Variants in KLHL13 observed in about 807,000 individuals in gnomAD.
KLHL13 encodes kelch-like protein 13.
Under a neutral mutation model 37.1 loss-of-function variants are expected in KLHL13, and 10 were observed. The ratio of observed to expected loss-of-function variants is 0.27; its 90% CI spans 0.17 to 0.46. The LOEUF is 0.46. Among genes scored for constraint, KLHL13 ranks in the 20% least tolerant of loss-of-function variants. The pLI, the probability that KLHL13 is intolerant of heterozygous loss-of-function variation, is 1.00. For synonymous variants in KLHL13, 163 were observed against 181.2 expected (o/e 0.90, Z 0.81); for missense variants, 360 against 509.3 (o/e 0.71, Z 2.82).
At chrX:117,910,362 G>T (rs1166913437) in intron 4 of KLHL13, among the ~76,000 whole-genome samples, 2 of 110,996 alleles carry the variant, frequency 1.8e-5, no homozygotes, top group East Asian at 5.7e-4. Context: ...GTTATAACTG[G>T]AATATGGCCA....
chrX:118,113,334 A>G (rs1409093961), intron 1 of KLHL13, among the ~76,000 whole-genome samples: 1 of 111,659 alleles, frequency 9.0e-6, no homozygotes, highest in Admixed American at 9.5e-5. Flanking sequence ...TCCCTGGATA[A>G]TTTTTTTAAG....
intron 2 of KLHL13, among the ~76,000 whole-genome samples, chrX:117,933,276 A>G (rs1459656180): frequency 9.0e-6 from 1 of 111,613 alleles, no homozygotes; most frequent in East Asian, 2.8e-4. Flanking sequence ...ACAAAGCTAT[A>G]GTAAACAAAA....
chrX:118,114,360 C>T (rs1396195064), intron 1 of KLHL13, among the ~76,000 whole-genome samples: 1 of 112,185 alleles, frequency 8.9e-6, no homozygotes, highest in African/African-American at 3.2e-5. Flanking sequence ...GACTATCAAA[C>T]ACATATTGAG....
intron 1 of KLHL13, among the ~76,000 whole-genome samples, chrX:118,067,042 G>A (rs1048463087): frequency 3.6e-5 from 4 of 111,369 alleles, no homozygotes; most frequent in African/African-American, 1.3e-4. Context: ...TGTGTCATTA[G>A]GTGATTTCAT....
intron 1 of KLHL13, among the ~76,000 whole-genome samples, chrX:117,969,963 T>C (rs2053496488): frequency 8.9e-6 from 1 of 111,760 alleles, no homozygotes; most frequent in African/African-American, 3.2e-5. Context: ...AAAGTAATAG[T>C]CTTGCTGCTC....
At chrX:117,985,484 C>T in intron 1 of KLHL13, 1 of 403,728 alleles carries the variant, frequency 2.5e-6, no homozygotes, top group Non-Finnish European at 3.1e-6. Context: ...TGCATACCTT[C>T]CCTTGATAGG....
chrX:117,965,713 A>G (rs12396345), intron 1 of KLHL13, among the ~76,000 whole-genome samples: 3,194 of 111,664 alleles, frequency 0.029, 130 homozygotes, highest in African/African-American at 0.097. Context: ...ACCATGATCA[A>G]GTGGGCTTCA....
At chrX:117,989,992 T>C (rs971604705) in intron 1 of KLHL13, among the ~76,000 whole-genome samples, 1 of 111,370 alleles carries the variant, frequency 9.0e-6, no homozygotes, top group African/African-American at 3.3e-5. Flanking sequence ...TGTCACATAG[T>C]AACCCAATTA....
intron 1 of KLHL13, among the ~76,000 whole-genome samples, chrX:118,009,159 C>T (rs929250811): frequency 2.1e-4 from 21 of 102,247 alleles, no homozygotes; most frequent in African/African-American, 7.1e-4. Context: ...AGCCCTTTGT[C>T]AGATGAGTAG....
chrX:118,061,203 T>C (rs2054737704), intron 1 of KLHL13, among the ~76,000 whole-genome samples: 1 of 111,890 alleles, frequency 8.9e-6, no homozygotes, highest in Non-Finnish European at 1.9e-5. Flanking sequence ...AATGCAAGCA[T>C]ATACATTTAG....
chrX:118,006,426 T>C lies in KLHL13; in HGVS notation c.-55-60851A>G, dbSNP rs374638973. 1.5e-3 allele frequency among the ~76,000 whole-genome samples: 166 copies of C among 111,274 alleles called. 2 individuals carry two copies. The highest frequency in any genetic ancestry group is 5.2e-3 in the African/African-American group (161 of 30,717). On this transcript the variant is annotated intron_variant, in intron 1 of 6. Coordinates refer to the KLHL13 transcript ENST00000371882. ...GGTACTCATGTCTTGGCCCTTTACC[T>C]TGCTACATGAACTTGGACAAATGAT...
At chrX:118,056,166 T>C (rs2054683186) in intron 1 of KLHL13, among the ~76,000 whole-genome samples, 1 of 112,189 alleles carries the variant, frequency 8.9e-6, no homozygotes, top group African/African-American at 3.2e-5. Context: ...ATTTTATTTC[T>C]ATACATGTGC....
chrX:117,931,316 A>C (rs1240815991), intron 2 of KLHL13, among the ~76,000 whole-genome samples: 1 of 112,005 alleles, frequency 8.9e-6, no homozygotes, highest in African/African-American at 3.2e-5. Flanking sequence ...CCACCTTTAT[A>C]GGTTTGAGTA....
chrX:118,076,510 T>C (rs193054644), intron 1 of KLHL13, among the ~76,000 whole-genome samples: 5 of 111,593 alleles, frequency 4.5e-5, no homozygotes, highest in Non-Finnish European at 9.4e-5. Flanking sequence ...AGTCGTTGCA[T>C]TGGGAGAAGG....
intron 2 of KLHL13, among the ~76,000 whole-genome samples, chrX:117,930,290 A>AGGCAGGCAGGCAGGCAGGCAGGC (rs1395702430): frequency 1.2e-4 from 9 of 77,966 alleles, no homozygotes; most frequent in Admixed American, 4.1e-4. Flanking sequence ...GGAAGGAAGG[A>AGGCAGGCAGGCAGGCAGGCAGGC]AGGCAGGCAG....
intron 1 of KLHL13, among the ~76,000 whole-genome samples, chrX:118,035,113 C>A (rs1452716853): frequency 9.6e-6 from 1 of 103,879 alleles, no homozygotes; most frequent in East Asian, 2.8e-4. Flanking sequence ...GTTTACCAAC[C>A]AAAAAGAGTC....
chrX:118,035,524 C>G (rs944162076), intron 1 of KLHL13, among the ~76,000 whole-genome samples: 40 of 108,837 alleles, frequency 3.7e-4, no homozygotes, highest in Non-Finnish European at 5.5e-4. Context: ...CAGAAAAGGC[C>G]TTTGACAAAA....
intron 1 of KLHL13, among the ~76,000 whole-genome samples, chrX:118,103,550 T>A (rs2055312565): frequency 9.0e-6 from 1 of 111,640 alleles, no homozygotes; most frequent in Admixed American, 9.6e-5. Flanking sequence ...TAAGAAAAAT[T>A]GTAAGAAGAA....
intron 1 of KLHL13, among the ~76,000 whole-genome samples, chrX:118,077,877 A>C (rs1004031154): frequency 6.3e-5 from 7 of 111,832 alleles, no homozygotes; most frequent in African/African-American, 2.3e-4. Flanking sequence ...GTTTTGCAAT[A>C]ATTCAAAATG....
Sources: gnomAD v4.1 joint callset for allele counts (sites outside exome capture counted in the v4.1 genomes callset) on GRCh38, gnomAD v4.1.1 for gene constraint, MANE v1.5 for transcripts, NCBI Gene and HGNC (gene_info 2026-07-23, HGNC 2026-07-21) for gene names.